The following GALNT13 variants were observed in gnomAD, a reference collection of about 807,000 sequenced individuals.
GALNT13 encodes the protein UDP-GalNAc:polypeptide N-acetylgalactosaminyltransferase 13.
In GALNT13, 28 loss-of-function variants were observed where a neutral mutation model predicts 64.2. The ratio of observed to expected loss-of-function variants is 0.44; its 90% confidence interval spans 0.32 to 0.60. The LOEUF is 0.60. Among genes scored for constraint, GALNT13 ranks in the 20% least tolerant of loss-of-function variants. The probability of loss-of-function intolerance (pLI) is 0.05; values close to 1 mark genes in which losing one functional copy is unlikely to be tolerated. For missense variants in GALNT13, 577 were observed against 669.8 expected, an observed-to-expected ratio of 0.86 and a Z score of 1.53; for synonymous variants, 214 against 224.6, an observed-to-expected ratio of 0.95 and a Z score of 0.42.
the GALNT13 span, among the ~76,000 whole-genome samples, chr2:153,770,561 G>A: frequency 1.3e-5 from 2 of 152,196 alleles, no homozygotes; most frequent in Non-Finnish European, 2.9e-5. Flanking sequence ...GCCAGTGGGT[G>A]GTGCTCATGG....
chr2:153,705,750 C>T, the GALNT13 span, among the ~76,000 whole-genome samples: 3 of 152,088 alleles, frequency 2.0e-5, no homozygotes, highest in African/African-American at 7.2e-5. Context: ...TCCAGACAAT[C>T]CACAATGGAA....
At chr2:154,132,785 C>T (rs1366014535) in intron 3 of GALNT13, among the ~76,000 whole-genome samples, 1 of 151,380 alleles carries the variant, frequency 6.6e-6, no homozygotes, top group East Asian at 1.9e-4. Context: ...ATCCCAGCTA[C>T]TTGGGAGACT....
chr2:154,110,350 GAGAGAGAGAGAGAGAGAGAGAGAGAGAC>G (rs1474634615), intron 3 of GALNT13, among the ~76,000 whole-genome samples: 6 of 84,074 alleles, frequency 7.1e-5, no homozygotes, highest in South Asian at 6.5e-4. Context: ...GAGAGAGAGA[GAGAGAGAGAGAGAGAGAGAGAGAGAGAC>G]AGAGAGAGAG....
intron 4 of GALNT13, among the ~76,000 whole-genome samples, chr2:154,241,213 TG>T (rs2105868275): frequency 6.6e-6 from 1 of 152,260 alleles, no homozygotes; most frequent in African/African-American, 2.4e-5. Flanking sequence ...AGGCACAGGA[TG>T]GCAGGCCAGG....
the GALNT13 span, among the ~76,000 whole-genome samples, chr2:153,449,447 C>T: frequency 6.6e-6 from 1 of 152,094 alleles, no homozygotes; most frequent in Non-Finnish European, 1.5e-5. Flanking sequence ...TGTTTTTTCC[C>T]CCATGCCTCT....
the GALNT13 span, among the ~76,000 whole-genome samples, chr2:153,301,323 A>AAAAAAAAAAGAAG: frequency 5.6e-3 from 837 of 149,736 alleles, 15 homozygotes; most frequent in African/African-American, 0.019. Flanking sequence ...AAAAAAGAAA[A>AAAAAAAAAAGAAG]AAAAAAAGAG....
At chr2:153,260,910 C>G in the GALNT13 span, among the ~76,000 whole-genome samples, 3 of 151,156 alleles carry the variant, frequency 2.0e-5, no homozygotes, top group African/African-American at 4.9e-5. Flanking sequence ...TTTGTCTCCC[C>G]TAGCTATGTA....
chr2:153,497,007 A>G, the GALNT13 span, among the ~76,000 whole-genome samples: 42 of 150,726 alleles, frequency 2.8e-4, no homozygotes, highest in African/African-American at 7.5e-4. Context: ...AAAAAAAAAA[A>G]AAAAAAGAAA....
the GALNT13 span, among the ~76,000 whole-genome samples, chr2:153,414,396 AT>A: frequency 7.3e-3 from 1,095 of 150,820 alleles, 20 homozygotes; most frequent in East Asian, 0.071. Flanking sequence ...TAAAAAAAAA[AT>A]AAAATAAAAA....
the GALNT13 span, among the ~76,000 whole-genome samples, chr2:153,734,638 C>T: frequency 1.3e-5 from 2 of 152,076 alleles, no homozygotes; most frequent in South Asian, 4.1e-4. Context: ...ATGGATTCTG[C>T]CCTGTAAGTC....
At chr2:153,563,046 G>A in the GALNT13 span, among the ~76,000 whole-genome samples, 1 of 151,968 alleles carries the variant, frequency 6.6e-6, no homozygotes, top group East Asian at 1.9e-4. Context: ...TTATATCTAT[G>A]TGTTCCTTCT....
intron 4 of GALNT13, among the ~76,000 whole-genome samples, chr2:154,178,318 T>C (rs1247584248): frequency 6.7e-6 from 1 of 149,008 alleles, no homozygotes; most frequent in African/African-American, 2.5e-5. Flanking sequence ...GAATTTAGTG[T>C]GAAGAAATGT....
At chr2:153,665,530 C>T in the GALNT13 span, among the ~76,000 whole-genome samples, 1 of 151,902 alleles carries the variant, frequency 6.6e-6, no homozygotes, top group African/African-American at 2.4e-5. Flanking sequence ...TTCTAGTTAT[C>T]CTCATATCTT....
intron 3 of GALNT13, among the ~76,000 whole-genome samples, chr2:153,947,527 T>TG (rs748835505): frequency 7.1e-6 from 1 of 141,504 alleles, no homozygotes; most frequent in Non-Finnish European, 1.5e-5. Flanking sequence ...CACTTTTTGG[T>TG]GGTTTTTTTT....
At chr2:153,149,750 T>C in the GALNT13 span, among the ~76,000 whole-genome samples, 3 of 151,898 alleles carry the variant, frequency 2.0e-5, no homozygotes, top group African/African-American at 7.2e-5. Context: ...CCCTGCACTT[T>C]ACCTTATATC....
the GALNT13 span, among the ~76,000 whole-genome samples, chr2:153,717,395 A>T: frequency 1.3e-5 from 2 of 152,230 alleles, no homozygotes; most frequent in Non-Finnish European, 1.5e-5. Context: ...TTAAGCATCT[A>T]TTGAGGAAAT....
the GALNT13 span, among the ~76,000 whole-genome samples, chr2:153,561,088 T>C: frequency 6.6e-6 from 1 of 152,056 alleles, no homozygotes; most frequent in Admixed American, 6.6e-5. Context: ...CCTTCCATTA[T>C]ATCTTGCTAA....
Position 153,912,839 on chromosome 2 carries a change from G to A in GALNT13, c.-105+11832G>A, listed in dbSNP as rs150391707. On this transcript the variant is annotated intron_variant, in intron 2 of 12. Transcript: ENST00000392825. ...CACAATACTTGTATGCATGGTGCCAGCCAAAGCTCTTTGTAGGGCAGTGGC... is the reference window on the plus strand; with the variant it reads ...CACAATACTTGTATGCATGGTGCCAACCAAAGCTCTTTGTAGGGCAGTGGC... Among the ~76,000 whole-genome samples, 719 of 152,288 alleles carry A rather than the reference G, an allele frequency of 4.7e-3. 6 individuals carry two copies. Among genetic ancestry groups the A allele is most frequent in the African/African-American group, 0.017 (696 of 41,562 alleles).
At chr2:154,271,767 T>C (rs1272883887) in intron 8 of GALNT13, among the ~76,000 whole-genome samples, 1 of 151,904 alleles carries the variant, frequency 6.6e-6, no homozygotes, top group East Asian at 1.9e-4. Flanking sequence ...TATGTGTATG[T>C]GAGTCTATGT....
Sources: allele counts gnomAD v4.1 joint callset (sites outside exome capture counted in the v4.1 genomes callset), GRCh38; gene constraint gnomAD v4.1.1; transcripts MANE v1.5; gene names NCBI Gene and HGNC (gene_info 2026-07-23, HGNC 2026-07-21).